Variants in OR8B3 observed in about 807,000 individuals in gnomAD.
OR8B3 encodes the protein olfactory receptor family 8 subfamily B member 3.
For synonymous variants in OR8B3, 102 were observed against 135.4 expected, an observed-to-expected ratio of 0.75 and a Z score of 1.71; for missense variants, 278 against 377.6, an observed-to-expected ratio of 0.74 and a Z score of 2.19.
chr11:124,409,784 G>T, the OR8B3 span, among the ~76,000 whole-genome samples: 4,661 of 152,292 alleles, frequency 0.031, 229 homozygotes, highest in African/African-American at 0.11. Context: ...CTTAGCCAGA[G>T]GACTTTGGGT....
the OR8B3 span, among the ~76,000 whole-genome samples, chr11:124,409,372 G>C: frequency 6.6e-6 from 1 of 152,192 alleles, no homozygotes; most frequent in Non-Finnish European, 1.5e-5. Context: ...TTGGGCAAAA[G>C]CATTTAAGCT....
In OR8B3 at chr11:124,396,873, G is replaced by C. The variant is rs553297883; in HGVS notation, c.479C>G (p.Thr160Ser). 1.9e-5 allele frequency: 30 copies of C among 1,606,908 alleles called. No homozygotes were observed. The South Asian group carries it at 3.1e-4, about 17-fold the overall frequency. The change falls in exon 2 of 2, where the codon ACC becomes AGC. Residue 160 changes from threonine (T) to serine (S), a missense_variant. Physicochemically the swap from Thr to Ser is moderately conservative, Grantham distance 58. Transcript: ENST00000641139. ...IMGLAGATAH[T>S]GCMLRLTFCS... ...GAAGGTGAGTCTAAGCATGCACCCG[G>C]TGTGGGCCGTGGCTCCAGCCAATCC...
At chr11:124,403,083 C>T (rs999290750), upstream of OR8B3, among the ~76,000 whole-genome samples, 2 of 152,102 alleles carry the variant, frequency 1.3e-5, no homozygotes, top group African/African-American at 2.4e-5. Context: ...CATCTTGCAC[C>T]GCCCTTAATC....
At chr11:124,406,419 C>T in the OR8B3 span, among the ~76,000 whole-genome samples, 13 of 152,230 alleles carry the variant, frequency 8.5e-5, no homozygotes, top group South Asian at 2.1e-4. Context: ...ATATATAAAA[C>T]GTGAACCTTT....
chr11:124,406,858 T>C, the OR8B3 span, among the ~76,000 whole-genome samples: 3 of 151,946 alleles, frequency 2.0e-5, no homozygotes, highest in Non-Finnish European at 4.4e-5. Flanking sequence ...ATATGGCTTA[T>C]AATAATTATA....
chr11:124,404,527 T>C, the OR8B3 span: 1 of 152,228 alleles, frequency 6.6e-6, no homozygotes, highest in African/African-American at 2.4e-5. Flanking sequence ...CTTTTTAAAG[T>C]ACATGTGCAA....
In OR8B3 at chr11:124,396,270, A is replaced by G. The variant is rs1214103737; in HGVS notation, c.*140T>C. On this transcript the variant is annotated 3_prime_UTR_variant, in exon 2 of 2. Transcript: ENST00000641139. ...ATGCAAAACCAAAAAAAGAGACAAGATGATTTCATAAGAGAAATGATAAGA... is the reference window on the plus strand; with the variant it reads ...ATGCAAAACCAAAAAAAGAGACAAGGTGATTTCATAAGAGAAATGATAAGA... The G allele has an allele frequency of 4.8e-6, 4 of 841,768 alleles. No homozygotes were observed. The highest frequency in any genetic ancestry group is 7.1e-6 in the Non-Finnish European group (4 of 562,568). The allele number at this position is 841,768 out of a possible 1,614,324, so 52.1% of individuals were successfully genotyped here.
upstream of OR8B3, among the ~76,000 whole-genome samples, chr11:124,400,106 C>G (rs1368724429): frequency 2.0e-5 from 3 of 152,152 alleles, no homozygotes; most frequent in African/African-American, 7.2e-5. Context: ...AGTAATCCAC[C>G]TGCCTTGGCC....
intron 1 of OR8B3, among the ~76,000 whole-genome samples, chr11:124,397,824 T>A (rs1565351305): frequency 6.6e-6 from 1 of 152,000 alleles, no homozygotes; most frequent in African/African-American, 2.4e-5. Flanking sequence ...GCCTCCCAGG[T>A]AGCTAGGATT....
the OR8B3 span, among the ~76,000 whole-genome samples, chr11:124,406,874 G>A: frequency 3.3e-5 from 5 of 150,934 alleles, 1 homozygote; most frequent in Non-Finnish European, 3.0e-5. Flanking sequence ...TTATAAATTT[G>A]GTTAGATAAA....
upstream of OR8B3, among the ~76,000 whole-genome samples, chr11:124,400,830 A>T (rs1289773959): frequency 1.3e-5 from 2 of 151,936 alleles, no homozygotes; most frequent in Non-Finnish European, 2.9e-5. Flanking sequence ...AATCTCTCAC[A>T]CCTGGGATTA....
upstream of OR8B3, among the ~76,000 whole-genome samples, chr11:124,403,955 A>T (rs865786682): frequency 1.3e-5 from 2 of 152,204 alleles, no homozygotes; most frequent in East Asian, 3.9e-4. Flanking sequence ...CACCAAAAAA[A>T]TACAAAAACC....
chr11:124,406,380 TCTC>T, the OR8B3 span, among the ~76,000 whole-genome samples: 1 of 151,940 alleles, frequency 6.6e-6, no homozygotes, highest in South Asian at 2.1e-4. Flanking sequence ...AAGTGTTTGT[TCTC>T]CTTCTCCTCA....
chr11:124,402,765 GA>G (rs1861015803), upstream of OR8B3, among the ~76,000 whole-genome samples: 1 of 152,126 alleles, frequency 6.6e-6, no homozygotes, highest in Admixed American at 6.5e-5. Flanking sequence ...CTGCATGGTA[GA>G]GTAAGAGCTT....
At chr11:124,399,636 CAAG>C, upstream of OR8B3, among the ~76,000 whole-genome samples, 1 of 152,262 alleles carries the variant, frequency 6.6e-6, no homozygotes. Flanking sequence ...ACTAGAATCA[CAAG>C]AAGTGGCAAA....
Position 124,396,306 on chromosome 11 carries a change from A to T in OR8B3, c.*104T>A. 1 of 1,013,210 alleles carries T rather than the reference A, an allele frequency of 9.9e-7. No individual in the cohort carries two copies. The highest frequency in any genetic ancestry group is 1.4e-6 in the Non-Finnish European group (1 of 713,718). The allele number at this position is 1,013,210 out of a possible 1,614,324, so 62.8% of individuals were successfully genotyped here. A position where few individuals can be genotyped will look rare whatever the true frequency, so the allele number is the denominator to read the frequency against. The stretch of plus-strand genomic sequence containing the variant: ...AGAGAAATGATAAGACAAGTTTATT[A>T]AATCACACATAACACCATCTGTAGA... On this transcript the variant is annotated 3_prime_UTR_variant, in exon 2 of 2. Transcript: ENST00000641139.
Position 124,396,711 on chromosome 11 carries a change from A to T in OR8B3, c.641T>A (p.Ile214Asn). The T allele has an allele frequency of 6.2e-7, 1 of 1,613,926 alleles. No individual in the cohort carries two copies. The highest frequency in any genetic ancestry group is 8.5e-7 in the Non-Finnish European group (1 of 1,179,864). The part of the protein sequence containing the change: ...GINIMVPSCT[I>N]LISYVFIVTS... ...GACAATGAAAACATAAGAAATGAGG[A>T]TGGTACAACTGGGTACCATGATATT... Residue 214 changes from isoleucine to asparagine, a missense_variant, in exon 2 of 2, where the codon ATC becomes AAC. Coordinates refer to ENST00000641139, the MANE Select transcript of OR8B3 (RefSeq NM_001005467.2).
At chr11:124,401,143 T>G (rs1298834196), upstream of OR8B3, among the ~76,000 whole-genome samples, 1 of 151,786 alleles carries the variant, frequency 6.6e-6, no homozygotes, top group Non-Finnish European at 1.5e-5. Flanking sequence ...TTCTAGAGGT[T>G]GGGAAATCCA....
the OR8B3 span, among the ~76,000 whole-genome samples, chr11:124,407,633 T>A: frequency 6.6e-6 from 1 of 152,162 alleles, no homozygotes. Flanking sequence ...AATAGTTTTC[T>A]TCCTCATTTT....
Sources: allele counts gnomAD v4.1 joint callset (sites outside exome capture counted in the v4.1 genomes callset), GRCh38; gene constraint gnomAD v4.1.1; transcripts MANE v1.5; gene names NCBI Gene and HGNC (gene_info 2026-07-23, HGNC 2026-07-21).